FRMPD3: variants seen among roughly 807,000 people sequenced by gnomAD.
FRMPD3 encodes the protein FERM and PDZ domain containing 3.
In FRMPD3, 42 loss-of-function variants were observed where a neutral mutation model predicts 97.9. The observed-to-expected ratio is 0.43, with a 90% CI of 0.34 to 0.55. FRMPD3 has a LOEUF of 0.55. Among genes scored for constraint, FRMPD3 ranks in the 20% least tolerant of loss-of-function variants. FRMPD3 has a pLI of 0.03. For missense variants in FRMPD3, 1,303 were observed against 1,457.7 expected, an observed-to-expected ratio of 0.89 and a Z score of 1.73; for synonymous variants, 577 against 581.1, an observed-to-expected ratio of 0.99 and a Z score of 0.10.
intron 2 of FRMPD3, among the ~76,000 whole-genome samples, chrX:107,529,837 A>G (rs1195720397): frequency 8.9e-6 from 1 of 111,780 alleles, no homozygotes; most frequent in Non-Finnish European, 1.9e-5. Context: ...GACCACCTCC[A>G]GTAGTCTGGA....
At chrX:107,460,353 C>G (rs1210737214) in intron 1 of FRMPD3, among the ~76,000 whole-genome samples, 1 of 110,676 alleles carries the variant, frequency 9.0e-6, no homozygotes, top group East Asian at 2.8e-4. Context: ...CACTTCTAAC[C>G]TAGACCCAAG....
Position 107,602,276 on chromosome X carries a change from T to C in FRMPD3, c.4237T>C (p.Tyr1413His). 1.7e-6 allele frequency: 2 copies of C among 1,208,735 alleles called. No individual in the cohort carries two copies. Among genetic ancestry groups the C allele is most frequent in the Middle Eastern group, 2.3e-4 (1 of 4,341 alleles). The change falls in exon 15 of 15, where the codon TAC becomes CAC. Residue 1413 changes from tyrosine (Y) to histidine (H), a missense_variant. Transcript: ENST00000683843. ...GDRASLTSDV[Y>H]PHPPLGMLPR... is the part of the protein sequence containing the mutation. ...CAGGGCCTCGCTGACCTCGGATGTC[T>C]ACCCACATCCTCCCCTGGGCATGCT...
chrX:107,595,955 AAAG>A (rs1924155296), intron 13 of FRMPD3, among the ~76,000 whole-genome samples: 1 of 110,512 alleles, frequency 9.0e-6, no homozygotes, highest in African/African-American at 3.3e-5. Context: ...AAAAAAAAGA[AAAG>A]AAAAGAAAAG....
intron 8 of FRMPD3, among the ~76,000 whole-genome samples, chrX:107,556,892 C>T (rs372650060): frequency 3.6e-5 from 4 of 111,961 alleles, no homozygotes; most frequent in African/African-American, 1.3e-4. Context: ...TGGGTTGTTT[C>T]CAGGTTTTAG....
intron 1 of FRMPD3, among the ~76,000 whole-genome samples, chrX:107,502,363 C>G (rs1039373983): frequency 9.0e-6 from 1 of 111,335 alleles, no homozygotes; most frequent in African/African-American, 3.3e-5. Context: ...GCCTGGGGGT[C>G]AGTCAGGAAC....
chrX:107,578,199 T>C (rs186950293), intron 13 of FRMPD3, among the ~76,000 whole-genome samples: 2 of 111,760 alleles, frequency 1.8e-5, no homozygotes, highest in Admixed American at 1.9e-4. Context: ...AAAGACCAAA[T>C]GTGACAGTGA....
intron 8 of FRMPD3, among the ~76,000 whole-genome samples, chrX:107,556,499 C>G (rs1220674259): frequency 1.8e-5 from 2 of 111,491 alleles, no homozygotes; most frequent in African/African-American, 6.5e-5. Context: ...ATAAACCGTA[C>G]ATGTTTACAG....
At position 107,600,870 on chromosome X, in the gene FRMPD3, T is replaced by C. The variant is rs766403816; in HGVS notation, c.2831T>C (p.Ile944Thr). 23 of 1,209,377 alleles carry C rather than the reference T, an allele frequency of 1.9e-5. No homozygotes were observed. The highest frequency in any genetic ancestry group is 2.1e-5 in the Non-Finnish European group (19 of 894,848). The change falls in exon 15 of 15, where the codon ATC (isoleucine) becomes ACC (threonine). Residue 944 changes from isoleucine (I) to threonine (T), a missense_variant. Physicochemically the swap from Ile to Thr is moderately conservative, Grantham distance 89 (BLOSUM62 -1). Transcript: ENST00000683843. ...GAGGTCAGGTTGAGCCCCAAGCTTA[T>C]CCTCGACCCAAAGAGCAGTGTGACC... ...PKEVRLSPKL[I>T]LDPKSSVTPA...
intron 1 of FRMPD3, among the ~76,000 whole-genome samples, chrX:107,524,103 C>T (rs1197628898): frequency 8.9e-6 from 1 of 112,304 alleles, no homozygotes; most frequent in Non-Finnish European, 1.9e-5. Flanking sequence ...CCTTTTAGCG[C>T]CAACAAGTCC....
At chrX:107,477,597 G>T (rs1478421410) in intron 1 of FRMPD3, among the ~76,000 whole-genome samples, 1 of 112,767 alleles carries the variant, frequency 8.9e-6, no homozygotes, top group Non-Finnish European at 1.9e-5. Context: ...CTTCCTGACA[G>T]ATCCCAGTAA....
At chrX:107,574,575 C>T (rs1458763575) in intron 12 of FRMPD3, among the ~76,000 whole-genome samples, 1 of 112,366 alleles carries the variant, frequency 8.9e-6, no homozygotes, top group Admixed American at 9.4e-5. Context: ...TCAACTCAGG[C>T]TCTGTGTTGG....
rs1924476720 is a variant in FRMPD3 at position 107,600,996 on chromosome X, G to A, written c.2957G>A (p.Arg986Lys). Residue 986 changes from arginine to lysine, a missense_variant, in exon 15 of 15, where the codon AGG (arginine) becomes AAG (lysine). Transcript: ENST00000683843. Reference protein sequence around the residue: ...LGNPPSRGERRLEASMGRPEV... With the variant: ...LGNPPSRGERKLEASMGRPEV... ...AACCCCCCCAGCAGGGGTGAGAGAA[G>A]GCTGGAGGCCAGCATGGGGAGGCCA... The A allele has an allele frequency of 8.3e-7, 1 of 1,205,705 alleles. No individual in the cohort carries two copies. The highest frequency in any genetic ancestry group is 1.7e-5 in the African/African-American group (1 of 57,163).
chrX:107,499,753 T>G (rs1821436724), intron 1 of FRMPD3, among the ~76,000 whole-genome samples: 1 of 112,357 alleles, frequency 8.9e-6, no homozygotes, highest in African/African-American at 3.2e-5. Context: ...CTGTTATTGT[T>G]ACTATGCCTG....
chrX:107,594,038 A>G (rs1159085989), intron 13 of FRMPD3, among the ~76,000 whole-genome samples: 1 of 111,893 alleles, frequency 8.9e-6, no homozygotes, highest in Admixed American at 9.5e-5. Context: ...TGTTTGTGTC[A>G]TCTGTGATTT....
intron 1 of FRMPD3, among the ~76,000 whole-genome samples, chrX:107,479,219 A>G (rs1921276964): frequency 8.9e-6 from 1 of 112,372 alleles, no homozygotes; most frequent in Non-Finnish European, 1.9e-5. Context: ...AAGGAAGGCC[A>G]TTGCTTCCAC....
At chrX:107,504,364 T>G (rs764040644) in intron 1 of FRMPD3, among the ~76,000 whole-genome samples, 3 of 112,462 alleles carry the variant, frequency 2.7e-5, no homozygotes, top group Non-Finnish European at 5.6e-5. Context: ...GTTCTAGCGT[T>G]TTTATATCCA....
chrX:107,552,608 G>T (rs1348293413), intron 6 of FRMPD3, among the ~76,000 whole-genome samples, 187 bp from the exon 7 acceptor site: 1 of 112,357 alleles, frequency 8.9e-6, no homozygotes, highest in African/African-American at 3.2e-5. Context: ...CCTCTGAGCA[G>T]CACTCATGGG....
At chrX:107,541,682 T>C (rs1447523770) in intron 4 of FRMPD3, among the ~76,000 whole-genome samples, 1 of 111,893 alleles carries the variant, frequency 8.9e-6, no homozygotes, top group Non-Finnish European at 1.9e-5. Flanking sequence ...CCCTCTTCAC[T>C]GTGGTGAATA....
intron 1 of FRMPD3, among the ~76,000 whole-genome samples, chrX:107,462,204 TC>T (rs772901506): frequency 8.9e-6 from 1 of 112,015 alleles, no homozygotes; most frequent in East Asian, 2.8e-4. Context: ...TTCCACCTCT[TC>T]CTTTTTGGAA....
Sources: allele counts gnomAD v4.1 joint callset (sites outside exome capture counted in the v4.1 genomes callset), GRCh38; gene constraint gnomAD v4.1.1; transcripts MANE v1.5; gene names NCBI Gene and HGNC (gene_info 2026-07-23, HGNC 2026-07-21).